CACNB2: variants seen among roughly 807,000 people sequenced by gnomAD.
CACNB2 encodes the protein voltage-dependent L-type calcium channel subunit beta-2.
In CACNB2, 42 loss-of-function variants were observed where a neutral mutation model predicts 73.3. The observed-to-expected ratio is 0.57, with a 90% CI of 0.45 to 0.74. The LOEUF (loss-of-function observed/expected upper bound fraction) is 0.74, where lower values mean the gene tolerates loss of function less well. CACNB2 is among the 30% of genes least tolerant of loss of function. CACNB2 has a pLI of 0.00. For missense variants in CACNB2, 940 were observed against 853.0 expected, an observed-to-expected ratio of 1.10 and a Z score of -1.27; for synonymous variants, 348 against 310.3, an observed-to-expected ratio of 1.12 and a Z score of -1.28.
intron 10 of CACNB2, among the ~76,000 whole-genome samples, chr10:18,529,115 C>T (rs2052749913): frequency 6.6e-6 from 1 of 152,200 alleles, no homozygotes; most frequent in South Asian, 2.1e-4. Context: ...AGGTATGAGC[C>T]ACTGTGCCTG....
In CACNB2 at chr10:18,449,993, A is replaced by C. The variant is rs146370230; in HGVS notation, c.333+47950A>C. Among the ~76,000 whole-genome samples, 68 of 152,372 alleles carry C rather than the reference A, an allele frequency of 4.5e-4. 1 individual carries two copies. The Middle Eastern group carries it at 0.01, about 23-fold the overall frequency. On this transcript the variant is annotated intron_variant, in intron 3 of 13. Coordinates refer to ENST00000324631, the MANE Select transcript of CACNB2 (RefSeq NM_201596.3). ...GCGTGGAAGACCCGGGGCTGGCGGC[A>C]TGAGGCAGAAAGAAAGCACTTCATC...
At chr10:18,357,080 G>A (rs1433596760) in intron 2 of CACNB2, among the ~76,000 whole-genome samples, 1 of 149,696 alleles carries the variant, frequency 6.7e-6, no homozygotes, top group Non-Finnish European at 1.5e-5. Flanking sequence ...GTGTAGCTGG[G>A]ACTACAGGCG....
chr10:18,492,681 A>G (rs1267351415), intron 3 of CACNB2, among the ~76,000 whole-genome samples: 2 of 152,060 alleles, frequency 1.3e-5, no homozygotes, highest in Non-Finnish European at 2.9e-5. Context: ...AGTATGGGAA[A>G]ACCTTACCAT....
At chr10:18,246,192 G>A (rs569637760) in intron 2 of CACNB2, among the ~76,000 whole-genome samples, 39 of 152,206 alleles carry the variant, frequency 2.6e-4, no homozygotes, top group African/African-American at 6.0e-4. Context: ...GAGAGCTTAC[G>A]CCAGTTAGGA....
intron 2 of CACNB2, among the ~76,000 whole-genome samples, chr10:18,182,336 T>G (rs1460458594): frequency 1.3e-5 from 2 of 151,186 alleles, no homozygotes; most frequent in African/African-American, 2.4e-5. Flanking sequence ...AAAAAAAATT[T>G]TTTTTTGAAA....
At chr10:18,538,979 TGC>T (rs1491347545) in intron 13 of CACNB2, among the ~76,000 whole-genome samples, 1 of 129,052 alleles carries the variant, frequency 7.7e-6, no homozygotes, top group Non-Finnish European at 1.7e-5. Flanking sequence ...TCCCTGCTGC[TGC>T]TTTTTTTTTT....
chr10:18,340,749 G>C, intron 2 of CACNB2: 1 of 1,506,014 alleles, frequency 6.6e-7, no homozygotes, highest in Non-Finnish European at 8.8e-7. Flanking sequence ...GTGATCCGAC[G>C]AACTTTAGAA....
At chr10:18,391,785 G>A (rs2043479818) in intron 2 of CACNB2, among the ~76,000 whole-genome samples, 1 of 151,778 alleles carries the variant, frequency 6.6e-6, no homozygotes, top group Non-Finnish European at 1.5e-5. Context: ...AAAATTAGTT[G>A]GGCATGGTGG....
chr10:18,353,643 G>T (rs2041803898), intron 2 of CACNB2, among the ~76,000 whole-genome samples: 2 of 152,162 alleles, frequency 1.3e-5, no homozygotes, highest in Non-Finnish European at 2.9e-5. Context: ...AAGGCACATG[G>T]TTGATAAGAA....
At chr10:18,426,824 A>G (rs192204152) in intron 3 of CACNB2, among the ~76,000 whole-genome samples, 2,035 of 152,212 alleles carry the variant, frequency 0.013, 22 homozygotes, top group Non-Finnish European at 0.023. Flanking sequence ...CTTTAAAAGC[A>G]TGTATTTGAT....
chr10:18,272,816 A>G (rs1434732339), intron 2 of CACNB2, among the ~76,000 whole-genome samples: 2 of 152,144 alleles, frequency 1.3e-5, no homozygotes, highest in Non-Finnish European at 2.9e-5. Flanking sequence ...TCTTTTATAA[A>G]TTACCCAGTT....
At chr10:18,168,801 A>T (rs996377621) in intron 2 of CACNB2, among the ~76,000 whole-genome samples, 2 of 152,332 alleles carry the variant, frequency 1.3e-5, no homozygotes, top group East Asian at 1.9e-4. Flanking sequence ...TTTGAAAAGC[A>T]AATGTATTAT....
At chr10:18,334,542 C>A (rs2040928485) in intron 2 of CACNB2, among the ~76,000 whole-genome samples, 1 of 152,142 alleles carries the variant, frequency 6.6e-6, no homozygotes, top group Non-Finnish European at 1.5e-5. Context: ...ACATAAAGGG[C>A]ACCTTCATTT....
rs558264472 is a variant in CACNB2, at chr10:18,140,698, C to T, written c.-39C>T. On this transcript the variant is annotated 5_prime_UTR_variant, in exon 1 of 14. Coordinates refer to ENST00000324631, the MANE Select transcript of CACNB2 (RefSeq NM_201596.3). Reference sequence around the variant, plus strand: ...GGGCGAGGAGGAGGGGACCCGCCGCCGGGGGCTGGCTGCTTCGCTCCGAGC... The same window carrying T: ...GGGCGAGGAGGAGGGGACCCGCCGCTGGGGGCTGGCTGCTTCGCTCCGAGC... 11 of 1,565,896 alleles carry T rather than the reference C, an allele frequency of 7.0e-6. No homozygotes were observed. The East Asian group carries it at 1.6e-4, about 23-fold the overall frequency.
chr10:18,179,226 G>C (rs188804819), intron 2 of CACNB2, among the ~76,000 whole-genome samples: 32 of 152,222 alleles, frequency 2.1e-4, no homozygotes, highest in African/African-American at 6.5e-4. Flanking sequence ...CATATATGAG[G>C]AAGTCTGGAC....
chr10:18,497,400 T>C (rs985011573), intron 3 of CACNB2, among the ~76,000 whole-genome samples: 7 of 152,154 alleles, frequency 4.6e-5, no homozygotes, highest in African/African-American at 1.7e-4. Context: ...TGCTTATCTG[T>C]AAATTCTTTT....
chr10:18,424,621 C>T (rs1249056607), intron 3 of CACNB2, among the ~76,000 whole-genome samples: 1 of 152,168 alleles, frequency 6.6e-6, no homozygotes, highest in Non-Finnish European at 1.5e-5. Context: ...TGTGGTGTTT[C>T]CCACTCCCTT....
At chr10:18,518,200 A>G in intron 7 of CACNB2, 136 bp from the exon 8 acceptor site, 1 of 735,322 alleles carries the variant, frequency 1.4e-6, no homozygotes, top group South Asian at 1.4e-5. Flanking sequence ...TATGTAGAAA[A>G]GAGGCAAGTG....
intron 2 of CACNB2, among the ~76,000 whole-genome samples, chr10:18,331,863 G>A (rs1160069415): frequency 6.6e-6 from 1 of 152,160 alleles, no homozygotes; most frequent in Non-Finnish European, 1.5e-5. Context: ...CACTCTAAAA[G>A]TACCAAGTAT....
Sources: gnomAD v4.1 joint callset for allele counts (sites outside exome capture counted in the v4.1 genomes callset) on GRCh38, gnomAD v4.1.1 for gene constraint, MANE v1.5 for transcripts, NCBI Gene and HGNC (gene_info 2026-07-23, HGNC 2026-07-21) for gene names.